Variants in GCFC2 observed in about 807,000 individuals in gnomAD.
GCFC2 encodes GC-rich sequence DNA-binding factor 2.
In GCFC2, 102 loss-of-function variants were observed where a neutral mutation model predicts 99.4. The observed-to-expected ratio is 1.03, with a 90% confidence interval of 0.87 to 1.21. The LOEUF (loss-of-function observed/expected upper bound fraction) is 1.21, where lower values mean the gene tolerates loss of function less well. Ranked by LOEUF, GCFC2 falls within the 50% of genes most tolerant of loss-of-function variation. GCFC2 has a pLI of 0.00. For synonymous variants in GCFC2, 338 were observed against 316.8 expected (o/e 1.07, Z -0.71); for missense variants, 973 against 920.9 (o/e 1.06, Z -0.73).
At chr2:75,710,945 G>T (rs977935849), upstream of GCFC2, 2 of 1,369,836 alleles carry the variant, frequency 1.5e-6, no homozygotes, top group South Asian at 1.7e-5. Context: ...CTCCCGCCGC[G>T]CCTGGCCGCC....
At position 75,687,749 on chromosome 2, in the gene GCFC2, G is replaced by T. The variant is rs55664421; in HGVS notation, c.1690+78C>A. 4,887 of 1,102,712 alleles carry T rather than the reference G, an allele frequency of 4.4e-3. 43 individuals carry two copies. Among genetic ancestry groups the T allele is most frequent in the African/African-American group, 0.032 (1,975 of 62,110 alleles). The allele number at this position is 1,102,712 out of a possible 1,614,324, so 68.3% of individuals were successfully genotyped here. ...GATTAAAAACTTATGAAAAAACTTT[G>T]TGAATATAACAGAAATTAACAACCT... On this transcript the variant is annotated intron_variant, in intron 11 of 16. Transcript: ENST00000321027.
intron 11 of GCFC2, among the ~76,000 whole-genome samples, chr2:75,685,707 G>A (rs781158439): frequency 2.0e-5 from 3 of 152,016 alleles, no homozygotes; most frequent in Non-Finnish European, 4.4e-5. Context: ...ATCAATAAAT[G>A]TCATGTGGAT....
At chr2:75,702,092 T>G (rs1680621147) in intron 3 of GCFC2, 107 bp downstream of exon 3, 15 of 1,493,414 alleles carry the variant, frequency 1.0e-5, no homozygotes, top group Non-Finnish European at 1.3e-5. Context: ...AAAACCATTA[T>G]CAACACTATA....
chr2:75,690,509 T>A (rs1369137313), intron 8 of GCFC2, 129 bp downstream of exon 8: 2 of 633,814 alleles, frequency 3.2e-6, no homozygotes, highest in African/African-American at 3.8e-5. Context: ...ATTTTGCTTT[T>A]CTATTATTCT....
chr2:75,698,100 A>C (rs949463420), intron 4 of GCFC2: 1 of 152,258 alleles, frequency 6.6e-6, no homozygotes, highest in African/African-American at 2.4e-5. Context: ...TCACATTAGC[A>C]ATAAAAATGA....
intron 6 of GCFC2, among the ~76,000 whole-genome samples, chr2:75,693,395 G>A (rs538767056): frequency 1.3e-5 from 2 of 152,200 alleles, no homozygotes; most frequent in South Asian, 4.2e-4. Context: ...AGCTGAGATC[G>A]TGCTACTACA....
At chr2:75,673,312 G>GAA (rs377679443) in intron 13 of GCFC2, 132 bp downstream of exon 13, 294 of 483,662 alleles carry the variant, frequency 6.1e-4, no homozygotes, top group East Asian at 7.3e-4. Context: ...AGTCTCAAAA[G>GAA]AAAAAAAAAA....
chr2:75,689,092 A>T lies in GCFC2; in HGVS notation c.1473T>A (p.Ser491Arg). ...FPDSYYEAFI[S>R]LCIPKLLNPL... ...GATTTAAAAGCTTTGGTATGCATAA[A>T]CTAATGAAAGCTTCATAATAGGAGT... The change falls in exon 10 of 17, where the codon AGT becomes AGA. Residue 491 changes from serine to arginine, a missense_variant. By Grantham distance (110) the Ser-to-Arg change is moderately radical (BLOSUM62 -1). Coordinates refer to ENST00000321027, the MANE Select transcript of GCFC2 (RefSeq NM_003203.5). The T allele has an allele frequency of 6.3e-7, 1 of 1,599,012 alleles. No homozygotes were observed. The highest frequency in any genetic ancestry group is 1.1e-5 in the South Asian group (1 of 90,080).
At chr2:75,691,930 T>C in intron 7 of GCFC2, 47 bp downstream of exon 7, 1 of 1,058,330 alleles carries the variant, frequency 9.4e-7, no homozygotes, top group Non-Finnish European at 1.3e-6. Context: ...CTTCACATAA[T>C]TTAGCTTAAT....
At chr2:75,684,059 A>G (rs572681353) in intron 11 of GCFC2, among the ~76,000 whole-genome samples, 1 of 152,298 alleles carries the variant, frequency 6.6e-6, no homozygotes, top group South Asian at 2.1e-4. Context: ...TGTCGATAAC[A>G]GACAGATCAA....
chr2:75,709,530 C>T (rs1020075489), intron 1 of GCFC2, among the ~76,000 whole-genome samples: 4 of 152,056 alleles, frequency 2.6e-5, no homozygotes, highest in Non-Finnish European at 4.4e-5. Flanking sequence ...AGCAGAGAGT[C>T]GAGTAGTGGT....
intron 11 of GCFC2, among the ~76,000 whole-genome samples, chr2:75,683,861 T>G (rs939675572): frequency 2.0e-5 from 3 of 147,670 alleles, no homozygotes; most frequent in Non-Finnish European, 4.5e-5. Context: ...CCAGCAAAGA[T>G]CAAAAGAGAC....
At chr2:75,694,672 G>A (rs936544520) in intron 5 of GCFC2, among the ~76,000 whole-genome samples, 1 of 152,086 alleles carries the variant, frequency 6.6e-6, no homozygotes, top group East Asian at 1.9e-4. Flanking sequence ...ATAAAGGAGA[G>A]TGAGAATTAA....
chr2:75,673,269 C>G (rs1221295941), intron 13 of GCFC2, among the ~76,000 whole-genome samples, 175 bp downstream of exon 13: 1 of 151,522 alleles, frequency 6.6e-6, no homozygotes, highest in East Asian at 1.9e-4. Context: ...GATCGCGCCA[C>G]TGCACTCCAG....
intron 5 of GCFC2, 124 bp downstream of exon 5, chr2:75,696,076 G>C (rs1680308158): frequency 2.0e-6 from 1 of 501,316 alleles, no homozygotes; most frequent in Non-Finnish European, 3.6e-6. Context: ...TAACACAGGA[G>C]ATCCTTTTTC....
chr2:75,698,622 A>T (rs941053278), intron 4 of GCFC2, among the ~76,000 whole-genome samples: 2 of 152,212 alleles, frequency 1.3e-5, no homozygotes, highest in Admixed American at 6.5e-5. Context: ...AGCAAATTTA[A>T]AGGGGTGTAG....
intron 14 of GCFC2, among the ~76,000 whole-genome samples, chr2:75,671,593 G>A (rs932585085): frequency 1.3e-5 from 2 of 152,086 alleles, no homozygotes; most frequent in African/African-American, 4.8e-5. Flanking sequence ...TATAGCTTGT[G>A]GGTTAAATCC....
upstream of GCFC2, among the ~76,000 whole-genome samples, chr2:75,712,245 G>C (rs1681217292): frequency 8.6e-6 from 1 of 116,134 alleles, no homozygotes; most frequent in Non-Finnish European, 2.2e-5. Context: ...CTCAGGGATT[G>C]TAAAAACACC....
At chr2:75,697,102 G>A (rs1466710164) in intron 4 of GCFC2, among the ~76,000 whole-genome samples, 1 of 151,980 alleles carries the variant, frequency 6.6e-6, no homozygotes, top group Non-Finnish European at 1.5e-5. Context: ...TTCTTATTTG[G>A]GTTTTCTGGT....
Sources: allele counts gnomAD v4.1 joint callset (sites outside exome capture counted in the v4.1 genomes callset), GRCh38; gene constraint gnomAD v4.1.1; transcripts MANE v1.5; gene names NCBI Gene and HGNC (gene_info 2026-07-23, HGNC 2026-07-21).